SATB1: variants seen among roughly 807,000 people sequenced by gnomAD.
SATB1 encodes SATB homeobox 1.
In SATB1, 11 loss-of-function variants were observed where a neutral mutation model predicts 86.9. That is an observed-to-expected ratio of 0.13 (90% CI 0.08 to 0.21). SATB1 has a LOEUF of 0.21. Among genes scored for constraint, SATB1 ranks in the 10% least tolerant of loss-of-function variants. The pLI is 1.00. For synonymous variants in SATB1, 357 were observed against 357.2 expected, an observed-to-expected ratio of 1.00 and a Z score of 0.01; for missense variants, 551 against 937.6, an observed-to-expected ratio of 0.59 and a Z score of 5.39.
chr3:18,411,407 A>C (rs79383383), intron 5 of SATB1, among the ~76,000 whole-genome samples: 1,773 of 152,222 alleles, frequency 0.012, 36 homozygotes, highest in African/African-American at 0.041. Flanking sequence ...CGCTGGTAGA[A>C]GTAATAGCTG....
Position 18,433,618 on chromosome 3 carries a change from C to T in SATB1, c.-25+3171G>A, listed in dbSNP as rs115533816. Among the ~76,000 whole-genome samples, 540 of 151,862 alleles carry T rather than the reference C, an allele frequency of 3.6e-3. 4 individuals carry two copies. Among genetic ancestry groups the T allele is most frequent in the African/African-American group, 0.012 (504 of 41,440 alleles). On this transcript the variant is annotated intron_variant, in intron 2 of 3. Transcript: ENST00000414509. ...ATGTATAAATCATTTTATTGAAGTT[C>T]GTATCTGTATTTTTTTCTTATACGC...
chr3:18,428,751 G>A (rs1698793596), upstream of SATB1, among the ~76,000 whole-genome samples: 1 of 152,124 alleles, frequency 6.6e-6, no homozygotes, highest in South Asian at 2.1e-4. Flanking sequence ...CATTATCCTG[G>A]CTACACACAA....
chr3:18,383,116 G>T (rs1696145295), intron 8 of SATB1, among the ~76,000 whole-genome samples: 1 of 152,132 alleles, frequency 6.6e-6, no homozygotes, highest in South Asian at 2.1e-4. Context: ...ACCAGGTCTG[G>T]CCCAGAGCCT....
chr3:18,380,994 G>C (rs1696027311), intron 8 of SATB1, among the ~76,000 whole-genome samples: 1 of 152,126 alleles, frequency 6.6e-6, no homozygotes, highest in Admixed American at 6.6e-5. Context: ...TAGCACAGGA[G>C]GTAAAATAAA....
intron 9 of SATB1, among the ~76,000 whole-genome samples, chr3:18,353,277 C>T (rs1694464703): frequency 6.6e-6 from 1 of 152,196 alleles, no homozygotes. Context: ...ACAACTTACT[C>T]TACCCTTCAA....
intron 4 of SATB1, 137 bp downstream of exon 4, chr3:18,415,870 G>A (rs1698084359): frequency 4.7e-6 from 3 of 635,568 alleles, no homozygotes; most frequent in Non-Finnish European, 7.3e-6. Flanking sequence ...AGAAGGATAG[G>A]GTAACAAAAT....
At position 18,381,496 on chromosome 3, in the gene SATB1, T is replaced by C. The variant is rs576627186; in HGVS notation, c.1420-3171A>G. On this transcript the variant is annotated intron_variant, in intron 8 of 10. Transcript: ENST00000338745. ...TATTATGATTGTCCCATTTTAAAAT[T>C]GAGAAAACTCCGTTAAAACAAACAG... Among the ~76,000 whole-genome samples, 5 of 152,332 alleles carry C rather than the reference T, an allele frequency of 3.3e-5. No individual in the cohort carries two copies. In the South Asian group the frequency reaches 1.0e-3, roughly 32 times the overall value.
chr3:18,360,800 A>T (rs1200368378), intron 9 of SATB1, among the ~76,000 whole-genome samples: 1 of 152,124 alleles, frequency 6.6e-6, no homozygotes, highest in Non-Finnish European at 1.5e-5. Flanking sequence ...TACTGAAAGC[A>T]CTTGCCTTAA....
chr3:18,435,482 C>G (rs1027285433), intron 2 of SATB1, among the ~76,000 whole-genome samples: 1 of 152,102 alleles, frequency 6.6e-6, no homozygotes, highest in Non-Finnish European at 1.5e-5. Context: ...TCCATCCCAG[C>G]CAAAACACCA....
chr3:18,364,674 G>A (rs958219619), intron 9 of SATB1, among the ~76,000 whole-genome samples: 4 of 150,758 alleles, frequency 2.7e-5, no homozygotes, highest in South Asian at 2.3e-4. Flanking sequence ...CCACATAAAC[G>A]TGTGTGTGTA....
chr3:18,421,412 C>T (rs1698390531), intron 1 of SATB1: 2 of 161,656 alleles, frequency 1.2e-5, no homozygotes, highest in Non-Finnish European at 2.7e-5. Context: ...GATCATAGTT[C>T]AAAATATTAG....
chr3:18,373,697 TTCCCCTCTCTCTCATCCTA>T (rs1695587164), intron 9 of SATB1, among the ~76,000 whole-genome samples: 1 of 152,136 alleles, frequency 6.6e-6, no homozygotes, highest in Non-Finnish European at 1.5e-5. Context: ...CATCCTTGTT[TTCCCCTCTCTCTCATCCTA>T]GGGGCCATGA....
At chr3:18,356,614 C>A (rs1465003514) in intron 9 of SATB1, among the ~76,000 whole-genome samples, 1 of 151,904 alleles carries the variant, frequency 6.6e-6, no homozygotes, top group South Asian at 2.1e-4. Flanking sequence ...CTGACAAAAT[C>A]TTGTTGTACC....
intron 9 of SATB1, among the ~76,000 whole-genome samples, chr3:18,358,816 C>T (rs1434000142): frequency 6.6e-6 from 1 of 151,868 alleles, no homozygotes; most frequent in African/African-American, 2.4e-5. Flanking sequence ...TTTTTGAATT[C>T]TCTCTAGAGG....
At chr3:18,391,870 T>C (rs1303637153) in intron 7 of SATB1, among the ~76,000 whole-genome samples, 1 of 152,126 alleles carries the variant, frequency 6.6e-6, no homozygotes, top group African/African-American at 2.4e-5. Context: ...AAAAAATAAA[T>C]GCAGCTGTGT....
At chr3:18,402,340 C>CA (rs902826104) in intron 5 of SATB1, among the ~76,000 whole-genome samples, 10 of 151,394 alleles carry the variant, frequency 6.6e-5, no homozygotes, top group South Asian at 2.1e-4. Flanking sequence ...TAACAACAAC[C>CA]AAAAAAAACC....
At chr3:18,437,096 T>C (rs1455741775) in intron 1 of SATB1, among the ~76,000 whole-genome samples, 3 of 152,194 alleles carry the variant, frequency 2.0e-5, no homozygotes, top group East Asian at 1.9e-4. Context: ...TTAGGTTATA[T>C]AGAGTTTTAA....
intron 2 of SATB1, among the ~76,000 whole-genome samples, chr3:18,433,847 G>C (rs1698970220): frequency 6.6e-6 from 1 of 151,960 alleles, no homozygotes; most frequent in Admixed American, 6.6e-5. Context: ...ACTATACATG[G>C]ACATTTTGAG....
chr3:18,382,365 G>A (rs1350943258), intron 8 of SATB1, among the ~76,000 whole-genome samples: 2 of 152,108 alleles, frequency 1.3e-5, no homozygotes, highest in African/African-American at 4.8e-5. Flanking sequence ...CTTTCAAACA[G>A]TCTTCATGGA....
Sources: gnomAD v4.1 joint callset for allele counts (sites outside exome capture counted in the v4.1 genomes callset) on GRCh38, gnomAD v4.1.1 for gene constraint, MANE v1.5 for transcripts, NCBI Gene and HGNC (gene_info 2026-07-23, HGNC 2026-07-21) for gene names.